Variants in COMMD7 observed in about 807,000 individuals in gnomAD.
COMMD7 encodes COMM domain containing 7.
A neutral mutation model predicts 34.8 loss-of-function variants in COMMD7; 28 were observed. The observed-to-expected ratio is 0.80, with a 90% CI of 0.60 to 1.10. The LOEUF (loss-of-function observed/expected upper bound fraction) is 1.10, where lower values mean the gene tolerates loss of function less well. Ranked by LOEUF, COMMD7 falls within the 50% of genes least tolerant of loss-of-function variation. The pLI, the probability that COMMD7 is intolerant of heterozygous loss-of-function variation, is 0.00. For missense variants in COMMD7, 211 were observed against 241.6 expected (o/e 0.87, Z 0.84); for synonymous variants, 80 against 86.4 (o/e 0.93, Z 0.41).
chr20:32,730,874 A>G (rs2145771578), intron 1 of COMMD7, among the ~76,000 whole-genome samples: 1 of 152,244 alleles, frequency 6.6e-6, no homozygotes, highest in East Asian at 1.9e-4. Flanking sequence ...TCTAGAAGCA[A>G]TATATAAAAA....
intron 3 of COMMD7, among the ~76,000 whole-genome samples, chr20:32,722,275 AGTGTGGTGGGGT>A (rs1467431352): frequency 6.9e-6 from 1 of 144,814 alleles, no homozygotes; most frequent in Non-Finnish European, 1.5e-5. Context: ...AAAAGGATAC[AGTGTGGTGGGGT>A]GAGGAAGACA....
At chr20:32,722,982 G>A (rs1985264743) in intron 3 of COMMD7, among the ~76,000 whole-genome samples, 1 of 150,858 alleles carries the variant, frequency 6.6e-6, no homozygotes, top group Admixed American at 6.7e-5. Flanking sequence ...TCACGCCACT[G>A]CACTCCAGCC....
At chr20:32,719,476 C>A (rs776096688) in intron 3 of COMMD7, among the ~76,000 whole-genome samples, 6 of 151,970 alleles carry the variant, frequency 3.9e-5, no homozygotes, top group Non-Finnish European at 8.8e-5. Context: ...AGGTGAAACC[C>A]CGTCTCTAAT....
chr20:32,731,262 G>C (rs921518291), intron 1 of COMMD7, among the ~76,000 whole-genome samples: 1 of 152,102 alleles, frequency 6.6e-6, no homozygotes, highest in Admixed American at 6.6e-5. Context: ...AAGCTGCAGT[G>C]AGTCATGATC....
intron 3 of COMMD7, among the ~76,000 whole-genome samples, chr20:32,721,357 C>T (rs975902643): frequency 1.3e-5 from 2 of 152,204 alleles, no homozygotes; most frequent in African/African-American, 4.8e-5. Flanking sequence ...CATCTATAAT[C>T]TCAGGACTTT....
At chr20:32,713,330 G>A (rs1037393715) in intron 3 of COMMD7, among the ~76,000 whole-genome samples, 1 of 152,176 alleles carries the variant, frequency 6.6e-6, no homozygotes, top group Non-Finnish European at 1.5e-5. Flanking sequence ...GACTACAGGC[G>A]TGCGCCAATG....
intron 3 of COMMD7, among the ~76,000 whole-genome samples, chr20:32,719,582 G>A (rs895235680): frequency 1.3e-5 from 2 of 152,060 alleles, no homozygotes; most frequent in Middle Eastern, 3.4e-3. Context: ...CCTGGGAGGC[G>A]GAGCTGGCAG....
rs965464212 is a variant in COMMD7 at position 32,743,452 on chromosome 20, C to T, written c.-61G>A. ...CGCCGCCCTGCTCAGCTTCCTCCTC[C>T]GCTGCCGCTGCCACCGCTGCCGGCC... is the stretch of plus-strand genomic sequence containing the variant. On this transcript the variant is annotated 5_prime_UTR_variant, in exon 1 of 9. Transcript: ENST00000278980. 8.6e-7 allele frequency: 1 copy of T among 1,168,280 alleles called. No individual in the cohort carries two copies. The highest frequency in any genetic ancestry group is 1.1e-6 in the Non-Finnish European group (1 of 912,314). 72.4% of individuals were successfully genotyped at this position (1,168,280 alleles called of 1,614,324 possible).
intron 1 of COMMD7, among the ~76,000 whole-genome samples, chr20:32,741,443 T>C (rs1259118444): frequency 1.3e-5 from 2 of 149,756 alleles, no homozygotes; most frequent in Non-Finnish European, 3.0e-5. Flanking sequence ...CAGGCTGGAA[T>C]GCAGTGGTGC....
At chr20:32,705,011 G>A in intron 5 of COMMD7, 107 bp from the exon 6 acceptor site, 1 of 801,952 alleles carries the variant, frequency 1.2e-6, no homozygotes, top group Non-Finnish European at 2.1e-6. Flanking sequence ...AGTGGGGAGG[G>A]TGCAGAAGAT....
intron 3 of COMMD7, among the ~76,000 whole-genome samples, chr20:32,721,892 G>A (rs1201011378): frequency 2.2e-5 from 2 of 91,762 alleles, no homozygotes; most frequent in African/African-American, 3.9e-5. Context: ...GCAAGACGTT[G>A]TCTCAAAAAA....
Position 32,725,841 on chromosome 20 carries a change from G to A in COMMD7, c.241+2052C>T, listed in dbSNP as rs11698321. ...TGAGGCGGGCAGATCGCTTGAGCTC[G>A]GGAATTTGAAACCAGCCTGGCCAGC... On this transcript the variant is annotated intron_variant, in intron 3 of 8. Transcript: ENST00000278980. Among the ~76,000 whole-genome samples, 994 of 151,770 alleles carry A rather than the reference G, an allele frequency of 6.5e-3. 7 individuals are homozygous for A. Among genetic ancestry groups the A allele is most frequent in the Non-Finnish European group, 0.011 (718 of 67,916 alleles).
At chr20:32,719,789 C>T (rs1600983931) in intron 3 of COMMD7, among the ~76,000 whole-genome samples, 1 of 152,120 alleles carries the variant, frequency 6.6e-6, no homozygotes, top group East Asian at 1.9e-4. Flanking sequence ...ACACTAGCAG[C>T]TCTATCAATA....
At chr20:32,730,605 T>G (rs943990526) in intron 1 of COMMD7, among the ~76,000 whole-genome samples, 4 of 152,020 alleles carry the variant, frequency 2.6e-5, no homozygotes, top group African/African-American at 9.7e-5. Flanking sequence ...GTGTATGGCA[T>G]AGTGGGGAAA....
chr20:32,726,221 TCTCTACTA>T (rs1985503467), intron 3 of COMMD7, among the ~76,000 whole-genome samples: 1 of 151,684 alleles, frequency 6.6e-6, no homozygotes, highest in South Asian at 2.1e-4. Context: ...TGAAACCCCA[TCTCTACTA>T]AAAATTCAAA....
At chr20:32,729,984 G>A (rs1985746864) in intron 1 of COMMD7, among the ~76,000 whole-genome samples, 1 of 152,132 alleles carries the variant, frequency 6.6e-6, no homozygotes, top group South Asian at 2.1e-4. Context: ...CTGTACACCA[G>A]CCTGGACGAC....
chr20:32,722,365 G>T (rs768909058), intron 3 of COMMD7, among the ~76,000 whole-genome samples: 13 of 151,810 alleles, frequency 8.6e-5, no homozygotes, highest in Non-Finnish European at 1.9e-4. Context: ...CAGGTGTTTG[G>T]TAGACAGGTC....
At chr20:32,737,151 C>A (rs1056662702) in intron 1 of COMMD7, among the ~76,000 whole-genome samples, 1 of 151,836 alleles carries the variant, frequency 6.6e-6, no homozygotes, top group African/African-American at 2.4e-5. Flanking sequence ...CACTGCATTC[C>A]AGCCTGGGTG....
intron 3 of COMMD7, among the ~76,000 whole-genome samples, chr20:32,725,261 T>A (rs910106760): frequency 1.7e-4 from 26 of 152,084 alleles, no homozygotes; most frequent in Non-Finnish European, 3.4e-4. Flanking sequence ...TTTTTATGGT[T>A]TGCTACCATT....
Sources: allele counts gnomAD v4.1 joint callset (sites outside exome capture counted in the v4.1 genomes callset), GRCh38; gene constraint gnomAD v4.1.1; transcripts MANE v1.5; gene names NCBI Gene and HGNC (gene_info 2026-07-23, HGNC 2026-07-21).